The following KIF3A variants were observed in gnomAD, a reference collection of about 807,000 sequenced individuals.
KIF3A encodes kinesin-like protein KIF3A.
KIF3A carries 27 observed loss-of-function variants against 92.6 expected under a neutral mutation model. The observed-to-expected ratio is 0.29, with a 90% CI of 0.21 to 0.40. KIF3A has a LOEUF of 0.40. Among genes scored for constraint, KIF3A ranks in the 10% least tolerant of loss-of-function variants. KIF3A has a pLI of 1.00. For missense variants in KIF3A, 581 were observed against 872.6 expected, an observed-to-expected ratio of 0.67 and a Z score of 4.21; for synonymous variants, 250 against 275.4, an observed-to-expected ratio of 0.91 and a Z score of 0.92.
chr5:132,732,684 C>T (rs187322260), intron 2 of KIF3A, among the ~76,000 whole-genome samples: 75 of 152,038 alleles, frequency 4.9e-4, no homozygotes, highest in Non-Finnish European at 8.2e-4. Context: ...CTGAGACAGG[C>T]GGATCACAAG....
At chr5:132,714,388 G>T (rs1054787662) in intron 8 of KIF3A, among the ~76,000 whole-genome samples, 3 of 152,190 alleles carry the variant, frequency 2.0e-5, no homozygotes, top group African/African-American at 7.2e-5. Context: ...CAGAAATGTA[G>T]ACTTAAATGT....
intron 10 of KIF3A, among the ~76,000 whole-genome samples, chr5:132,708,100 G>C (rs1466619603): frequency 6.6e-6 from 1 of 151,926 alleles, no homozygotes; most frequent in African/African-American, 2.4e-5. Flanking sequence ...TGGCTAACAC[G>C]GTGAAACCCC....
At chr5:132,698,728 GATT>G in intron 18 of KIF3A, among the ~76,000 whole-genome samples, 1 of 97,812 alleles carries the variant, frequency 1.0e-5, no homozygotes, top group East Asian at 3.4e-4. Context: ...TAAGGAATTT[GATT>G]TTTTTTTTTT....
chr5:132,702,439 ATATTT>A, intron 14 of KIF3A, 114 bp downstream of exon 14: 1 of 694,478 alleles, frequency 1.4e-6, no homozygotes, highest in Non-Finnish European at 2.3e-6. Context: ...ACATAAAGAA[ATATTT>A]TATTTCTTTT....
downstream of KIF3A, among the ~76,000 whole-genome samples, chr5:132,691,387 A>C (rs538458512): frequency 1.8e-3 from 278 of 151,670 alleles, no homozygotes; most frequent in African/African-American, 6.5e-3. Context: ...GTCTCTACTA[A>C]AAATACAAAG....
At chr5:132,691,983 T>A (rs1235220341), downstream of KIF3A, among the ~76,000 whole-genome samples, 7 of 148,884 alleles carry the variant, frequency 4.7e-5, no homozygotes, top group South Asian at 2.1e-4. Context: ...AAAATAAAAT[T>A]TAATTAAAAA....
intron 4 of KIF3A, among the ~76,000 whole-genome samples, chr5:132,724,397 T>C (rs781673731): frequency 1.1e-3 from 168 of 152,284 alleles, no homozygotes; most frequent in Middle Eastern, 3.4e-3. Context: ...CCAACCCAAA[T>C]GTCCAACAAT....
At chr5:132,728,745 C>CAATA (rs3048989) in intron 2 of KIF3A, among the ~76,000 whole-genome samples, 166 of 149,692 alleles carry the variant, frequency 1.1e-3, no homozygotes, top group Middle Eastern at 3.4e-3. Flanking sequence ...TCAAAAAATA[C>CAATA]AATAAATAAA....
intron 8 of KIF3A, among the ~76,000 whole-genome samples, chr5:132,715,450 T>A (rs914344255): frequency 6.6e-6 from 1 of 152,162 alleles, no homozygotes; most frequent in African/African-American, 2.4e-5. Context: ...ATACATACAT[T>A]GCAGAATTTG....
chr5:132,718,608 CTTGTTGTTTTTTTTG>C (rs964548786), intron 5 of KIF3A, among the ~76,000 whole-genome samples: 3 of 151,754 alleles, frequency 2.0e-5, no homozygotes, highest in African/African-American at 7.3e-5. Flanking sequence ...CCACACTCAG[CTTGTTGTTTTTTTTG>C]TTGTTGTTTT....
chr5:132,703,546 T>C lies in KIF3A; in HGVS notation c.1383A>G (p.Glu461=). The change falls in exon 12 of 19, where the codon GAA becomes GAG. Residue 461 remains glutamate (E), a synonymous_variant. Transcript: ENST00000403231. The part of the protein sequence containing the change: ...AKIDEERKAL[E]TKLDMEEEER... The stretch of plus-strand genomic sequence containing the variant: ...CTTCTTCTTCCATGTCGAGCTTTGT[T>C]TCAAGTGCTTTTCTCTCCTCATCAA... 4.3e-6 allele frequency: 7 copies of C among 1,612,690 alleles called. No individual in the cohort carries two copies. The highest frequency in any genetic ancestry group is 5.9e-6 in the Non-Finnish European group (7 of 1,179,222).
chr5:132,727,081 A>G (rs1338545390), intron 2 of KIF3A, among the ~76,000 whole-genome samples: 1 of 152,242 alleles, frequency 6.6e-6, no homozygotes, highest in Non-Finnish European at 1.5e-5. Flanking sequence ...TAATCCTAAA[A>G]TAAGTGTGTT....
intron 4 of KIF3A, chr5:132,721,559 A>C (rs1753824987): frequency 6.6e-6 from 1 of 152,192 alleles, no homozygotes; most frequent in African/African-American, 2.4e-5. Context: ...CCAGGGGAAA[A>C]CGTTATAAAG....
At chr5:132,720,819 G>A in intron 4 of KIF3A, 105 bp from the exon 5 acceptor site, 1 of 629,074 alleles carries the variant, frequency 1.6e-6, no homozygotes. Context: ...GGAATATACT[G>A]ATAAGATAGA....
rs201305284 is a variant in KIF3A, at chr5:132,708,898, A to G, written c.1300+9T>C. 2,954 of 1,541,098 alleles carry G rather than the reference A, an allele frequency of 1.9e-3. 6 individuals carry two copies. Among genetic ancestry groups the G allele is most frequent in the South Asian group, 4.9e-3 (413 of 83,876 alleles). On this transcript the variant is annotated intron_variant, in intron 10 of 18. Coordinates refer to ENST00000403231, the MANE Select transcript of KIF3A (RefSeq NM_001300791.2). ...AGCTCTGTTAGAGAATGTAAGAGCT[A>G]CCACTCACTAGGCAAGAACTTATCC... is the stretch of plus-strand genomic sequence containing the variant.
rs547168503 is a variant in KIF3A, at chr5:132,724,391, C to G, written c.510+1737G>C. Among the ~76,000 whole-genome samples, 437 of 152,258 alleles carry G rather than the reference C, an allele frequency of 2.9e-3. 7 individuals carry two copies. The highest frequency in any genetic ancestry group is 3.4e-3 in the Middle Eastern group (1 of 294). ...CACAATAGCAAAGACTTGGAACCAACCCAAATGTCCAACAATGATAGACTG... is the reference window on the plus strand; with the variant it reads ...CACAATAGCAAAGACTTGGAACCAAGCCAAATGTCCAACAATGATAGACTG... On this transcript the variant is annotated intron_variant, in intron 4 of 18. Transcript: ENST00000403231.
intron 13 of KIF3A, 97 bp from the exon 14 acceptor site, chr5:132,702,765 TTCA>T (rs1753084377): frequency 5.4e-6 from 7 of 1,298,518 alleles, no homozygotes; most frequent in Non-Finnish European, 6.6e-6. Flanking sequence ...AAATCTGATC[TTCA>T]AAGCAATCCA....
rs112526532 is a variant in KIF3A at position 132,737,495 on chromosome 5, G to A, written c.-76C>T. ...GCGACACCGGGTGCGCAGAAAGGATGGCCAGAGACTACCGAAACACCTCGT... is the reference window on the plus strand; with the variant it reads ...GCGACACCGGGTGCGCAGAAAGGATAGCCAGAGACTACCGAAACACCTCGT... On this transcript the variant is annotated 5_prime_UTR_variant, in exon 1 of 19. Coordinates refer to ENST00000403231, the MANE Select transcript of KIF3A (RefSeq NM_001300791.2). 4.8e-5 allele frequency: 74 copies of A among 1,546,244 alleles called. No homozygotes were observed. The African/African-American group carries it at 7.0e-4, about 15-fold the overall frequency.
At position 132,694,619 on chromosome 5, in the gene KIF3A, AAAG is replaced by A. The variant is rs1561685173; in HGVS notation, c.*2012_*2014del. 6.6e-6 allele frequency: 1 copy of A among 151,292 alleles called. No homozygotes were observed. The highest frequency in any genetic ancestry group is 6.6e-5 in the Admixed American group (1 of 15,230). 9.4% of individuals were successfully genotyped at this position (151,292 alleles called of 1,614,324 possible). A position where few individuals can be genotyped will look rare whatever the true frequency, so the allele number is the denominator to read the frequency against. On this transcript the variant is annotated 3_prime_UTR_variant, in exon 19 of 19. Transcript: ENST00000403231. ...AAAGGTTAGAAACATGAACTTTTAA[AAAG>A]AAGCGTTTTTTTTAAACTGGTAAAA...
Sources: gnomAD v4.1 joint callset for allele counts (sites outside exome capture counted in the v4.1 genomes callset) on GRCh38, gnomAD v4.1.1 for gene constraint, MANE v1.5 for transcripts, NCBI Gene and HGNC (gene_info 2026-07-23, HGNC 2026-07-21) for gene names.